SEPSECS: variants seen among roughly 807,000 people sequenced by gnomAD.
SEPSECS encodes Sep (O-phosphoserine) tRNA:Sec (selenocysteine) tRNA synthase.
In SEPSECS, 42 loss-of-function variants were observed where a neutral mutation model predicts 52.1. The observed-to-expected ratio is 0.81, with a 90% CI of 0.63 to 1.04. The LOEUF is 1.04. Ranked by LOEUF, SEPSECS falls within the 50% of genes least tolerant of loss-of-function variation. The pLI, the probability that SEPSECS is intolerant of heterozygous loss-of-function variation, is 0.00. For missense variants in SEPSECS, 590 were observed against 610.6 expected (o/e 0.97, Z 0.36); for synonymous variants, 216 against 211.4 (o/e 1.02, Z -0.19).
At chr4:25,140,816 T>A (rs781640044) in intron 8 of SEPSECS, among the ~76,000 whole-genome samples, 10 of 152,128 alleles carry the variant, frequency 6.6e-5, no homozygotes, top group Admixed American at 2.0e-4. Flanking sequence ...ATCAGTGCCA[T>A]CAGCTATGCT....
At chr4:25,159,997 C>G in intron 1 of SEPSECS, 3 of 985,456 alleles carry the variant, frequency 3.0e-6, no homozygotes, top group Non-Finnish European at 3.6e-6. Context: ...ACTTCCGCAT[C>G]CCGAAGTTAG....
chr4:25,151,654 T>C (rs1405298655), intron 6 of SEPSECS, among the ~76,000 whole-genome samples: 1 of 152,204 alleles, frequency 6.6e-6, no homozygotes, highest in East Asian at 1.9e-4. Context: ...TTAAATGGTA[T>C]AATCCAGTAT....
At chr4:25,151,186 T>C (rs1712278294) in intron 6 of SEPSECS, among the ~76,000 whole-genome samples, 1 of 152,186 alleles carries the variant, frequency 6.6e-6, no homozygotes, top group Admixed American at 6.5e-5. Flanking sequence ...TGATTGTCAA[T>C]AATAACAATC....
intron 8 of SEPSECS, 140 bp from the exon 9 acceptor site, chr4:25,127,497 C>A: frequency 3.0e-6 from 2 of 666,620 alleles, no homozygotes; most frequent in Non-Finnish European, 5.3e-6. Flanking sequence ...TCCTTTGCCA[C>A]AATACAGTGA....
At chr4:25,132,065 G>C (rs1206473571) in intron 8 of SEPSECS, among the ~76,000 whole-genome samples, 1 of 152,052 alleles carries the variant, frequency 6.6e-6, no homozygotes, top group Non-Finnish European at 1.5e-5. Context: ...AGGGGATAAG[G>C]GCAAAGAGGC....
At chr4:25,158,870 C>G in intron 2 of SEPSECS, 83 bp downstream of exon 2, 1 of 1,345,482 alleles carries the variant, frequency 7.4e-7, no homozygotes, top group African/African-American at 1.4e-5. Flanking sequence ...ATTTGATAAT[C>G]TAATAAGATA....
intron 6 of SEPSECS, among the ~76,000 whole-genome samples, chr4:25,147,999 G>T (rs1577621640): frequency 6.6e-6 from 1 of 152,204 alleles, no homozygotes; most frequent in Non-Finnish European, 1.5e-5. Flanking sequence ...ATTTCCCCAT[G>T]TGCAGAATGG....
At position 25,130,182 on chromosome 4, in the gene SEPSECS, T is replaced by A. The variant is rs60067542; in HGVS notation, c.1027-2825A>T. Among the ~76,000 whole-genome samples, 784 of 152,342 alleles carry A rather than the reference T, an allele frequency of 5.1e-3. 8 individuals carry two copies. Among genetic ancestry groups the A allele is most frequent in the African/African-American group, 0.018 (732 of 41,586 alleles). ...ACATATTTCAGTGGTGAAGACAATT[T>A]AAAATATTATTCTATCTACTTTGGC... is the stretch of plus-strand genomic sequence containing the variant. On this transcript the variant is annotated intron_variant, in intron 8 of 10. Transcript: ENST00000382103.
chr4:25,125,523 G>A, intron 10 of SEPSECS, 171 bp downstream of exon 10: 1 of 648,518 alleles, frequency 1.5e-6, no homozygotes. Context: ...GCAGTCCACA[G>A]GTGGGCATAC....
chr4:25,137,238 T>C (rs1728874095), intron 8 of SEPSECS, among the ~76,000 whole-genome samples: 2 of 151,954 alleles, frequency 1.3e-5, no homozygotes, highest in Non-Finnish European at 2.9e-5. Flanking sequence ...ACTAAAGAGC[T>C]CCTGCACAGC....
chr4:25,122,256 C>A lies in SEPSECS; in HGVS notation c.*1675G>T, dbSNP rs1332782533. The A allele has an allele frequency of 6.6e-6, 1 of 152,036 alleles. No individual in the cohort carries two copies. Among genetic ancestry groups the A allele is most frequent in the African/African-American group, 2.4e-5 (1 of 41,390 alleles). The allele number at this position is 152,036 out of a possible 1,614,324, so 9.4% of individuals were successfully genotyped here. On this transcript the variant is annotated 3_prime_UTR_variant, in exon 11 of 11. Transcript: ENST00000382103. ...TCATCTCAAAATAGTCATTGACTTC[C>A]AAGGTGGTCAAGCCAGTGGCCATAG...
rs771661746 is a variant in SEPSECS, at chr4:25,124,133, T to C, written c.1304A>G (p.Asn435Ser). The C allele has an allele frequency of 5.0e-6, 8 of 1,613,728 alleles. No individual in the cohort carries two copies. Among genetic ancestry groups the C allele is most frequent in the East Asian group, 4.5e-5 (2 of 44,866 alleles). Residue 435 changes from asparagine (N) to serine (S), a missense_variant, in exon 11 of 11, where the codon AAT becomes AGT. Coordinates refer to ENST00000382103, the MANE Select transcript of SEPSECS (RefSeq NM_016955.4). ...HTNNYPCAYL[N>S]AASAIGMKMQ... Reference sequence around the variant, plus strand: ...CTTCATTCCGATGGCTGATGCAGCATTGAGGTAAGCACAAGGGTAATTATT... The same window carrying C: ...CTTCATTCCGATGGCTGATGCAGCACTGAGGTAAGCACAAGGGTAATTATT...
intron 8 of SEPSECS, among the ~76,000 whole-genome samples, chr4:25,138,813 A>C (rs1728946861): frequency 6.6e-6 from 1 of 152,222 alleles, no homozygotes; most frequent in Non-Finnish European, 1.5e-5. Flanking sequence ...TCATCAGGAA[A>C]ATTTTGTTAA....
Position 25,160,411 on chromosome 4 carries a change from T to C in SEPSECS, c.-42A>G. The stretch of plus-strand genomic sequence containing the variant: ...GTGGCGAATAAGCGGGAGCACTAGC[T>C]CCACACGCCAGACACACGACGGAAC... On this transcript the variant is annotated 5_prime_UTR_variant, in exon 1 of 11. Transcript: ENST00000382103. The C allele has an allele frequency of 1.3e-6, 2 of 1,484,476 alleles. No individual in the cohort carries two copies. Among genetic ancestry groups the C allele is most frequent in the East Asian group, 2.5e-5 (1 of 40,060 alleles). 92.0% of individuals were successfully genotyped at this position (1,484,476 alleles called of 1,614,324 possible). A position where few individuals can be genotyped will look rare whatever the true frequency, so the allele number is the denominator to read the frequency against.
chr4:25,160,263 A>G lies in SEPSECS; in HGVS notation c.107T>C (p.Leu36Pro). The stretch of plus-strand genomic sequence containing the variant: ...GGACCGACAGCTCGGTACCTTCTCC[A>G]GAAGCAGCCGTATGAGGTGCTCATG... ...RSHEHLIRLL[L>P]EKGKCPENGW... is the part of the protein sequence containing the mutation. Residue 36 changes from leucine (L) to proline (P), a missense_variant, in exon 1 of 11, where the codon CTG (leucine) becomes CCG (proline). Leu to Pro is a moderately conservative substitution (Grantham distance 98). Coordinates refer to ENST00000382103, the MANE Select transcript of SEPSECS (RefSeq NM_016955.4). The G allele has an allele frequency of 6.4e-7, 1 of 1,555,856 alleles. No homozygotes were observed. The highest frequency in any genetic ancestry group is 8.7e-7 in the Non-Finnish European group (1 of 1,148,998).
rs377253617 is a variant in SEPSECS, at chr4:25,156,950, G to A, written c.294C>T (p.Ser98=). The change falls in exon 3 of 11, where the codon TCC becomes TCT. Residue 98 remains serine (S), a synonymous_variant. Coordinates refer to ENST00000382103, the MANE Select transcript of SEPSECS (RefSeq NM_016955.4). ...HYRFIHGIGR[S]GDISAVQPKA... ...TTGGTTGCACAGCAGAAATATCACC[G>A]GATCGTCCAATGCCATGAATGAACC... The A allele has an allele frequency of 3.3e-5, 53 of 1,611,706 alleles. No individual in the cohort carries two copies. The highest frequency in any genetic ancestry group is 1.6e-4 in the Middle Eastern group (1 of 6,076).
intron 6 of SEPSECS, among the ~76,000 whole-genome samples, chr4:25,148,213 C>T (rs964551788): frequency 6.6e-6 from 1 of 151,994 alleles, no homozygotes; most frequent in Non-Finnish European, 1.5e-5. Context: ...ATTAGCCAGG[C>T]ATGGTGGTGG....
chr4:25,137,094 C>A (rs1248405492), intron 8 of SEPSECS, among the ~76,000 whole-genome samples: 1 of 152,034 alleles, frequency 6.6e-6, no homozygotes, highest in Admixed American at 6.5e-5. Flanking sequence ...AAATGTAAAC[C>A]CCCAAATTAT....
At chr4:25,137,930 C>G (rs1728907981) in intron 8 of SEPSECS, among the ~76,000 whole-genome samples, 1 of 152,086 alleles carries the variant, frequency 6.6e-6, no homozygotes, top group Admixed American at 6.6e-5. Flanking sequence ...ATGGATGGAG[C>G]TGGAAGACTA....
Sources: allele counts gnomAD v4.1 joint callset (sites outside exome capture counted in the v4.1 genomes callset), GRCh38; gene constraint gnomAD v4.1.1; transcripts MANE v1.5; gene names NCBI Gene and HGNC (gene_info 2026-07-23, HGNC 2026-07-21).